Variants in CGNL1 observed in about 807,000 individuals in gnomAD.
CGNL1 encodes the protein cingulin like 1.
Under a neutral mutation model 141.2 loss-of-function variants are expected in CGNL1, and 132 were observed. The observed-to-expected ratio is 0.93, with a 90% CI of 0.81 to 1.08. The LOEUF (loss-of-function observed/expected upper bound fraction) is 1.08, where lower values mean the gene tolerates loss of function less well. Among genes scored for constraint, CGNL1 ranks in the 50% least tolerant of loss-of-function variants. The pLI is 0.00. For synonymous variants in CGNL1, 690 were observed against 622.1 expected (o/e 1.11, Z -1.63); for missense variants, 1,870 against 1,588.6 (o/e 1.18, Z -3.01).
chr15:57,482,295 G>T (rs2063736081), intron 8 of CGNL1, among the ~76,000 whole-genome samples: 1 of 152,178 alleles, frequency 6.6e-6, no homozygotes, highest in South Asian at 2.1e-4. Context: ...TAGTTTTGAT[G>T]AAGTCCAATT....
At chr15:57,522,304 A>T (rs75441947) in intron 10 of CGNL1, among the ~76,000 whole-genome samples, 1 of 152,230 alleles carries the variant, frequency 6.6e-6, no homozygotes, top group Non-Finnish European at 1.5e-5. Context: ...TTTTAGCCCC[A>T]CATCACATGG....
intron 1 of CGNL1, among the ~76,000 whole-genome samples, chr15:57,383,288 C>G (rs1043759702): frequency 1.9e-5 from 2 of 105,032 alleles, no homozygotes; most frequent in African/African-American, 9.7e-5. Flanking sequence ...AGATTTCTTT[C>G]TTCCTTTTTT....
At chr15:57,516,618 G>A (rs55809056) in intron 8 of CGNL1, among the ~76,000 whole-genome samples, 162 bp from the exon 9 acceptor site, 2 of 151,998 alleles carry the variant, frequency 1.3e-5, no homozygotes, top group Non-Finnish European at 1.5e-5. Context: ...CAGGTGAGGG[G>A]CTGGGTTTGG....
rs60973024 is a variant in CGNL1 at position 57,506,991 on chromosome 15, T to G, written c.2404-9789T>G. On this transcript the variant is annotated intron_variant, in intron 8 of 18. Transcript: ENST00000281282. Reference sequence around the variant, plus strand: ...TTTACAGTGTGCAGTTCAGTGGTTTTTTATATATTCACAATTTGGGTAGCC... The same window carrying G: ...TTTACAGTGTGCAGTTCAGTGGTTTGTTATATATTCACAATTTGGGTAGCC... Among the ~76,000 whole-genome samples, 113 of 152,322 alleles carry G rather than the reference T, an allele frequency of 7.4e-4. 1 individual carries two copies. The highest frequency in any genetic ancestry group is 2.4e-3 in the African/African-American group (101 of 41,552).
chr15:57,421,038 G>T (rs1392078442), intron 1 of CGNL1, among the ~76,000 whole-genome samples: 1 of 152,182 alleles, frequency 6.6e-6, no homozygotes, highest in Non-Finnish European at 1.5e-5. Context: ...AGGTAATTAG[G>T]GTTAGATTAG....
intron 8 of CGNL1, among the ~76,000 whole-genome samples, chr15:57,463,274 A>G (rs1321825553): frequency 2.6e-5 from 4 of 152,146 alleles, no homozygotes; most frequent in Non-Finnish European, 1.5e-5. Flanking sequence ...ACTGTCAGAG[A>G]TATGTAAGTG....
chr15:57,395,786 G>A (rs1371081288), intron 1 of CGNL1, among the ~76,000 whole-genome samples: 1 of 152,238 alleles, frequency 6.6e-6, no homozygotes, highest in East Asian at 1.9e-4. Context: ...TGTAGAAACT[G>A]AAGCTTAAGG....
intron 1 of CGNL1, among the ~76,000 whole-genome samples, chr15:57,379,854 A>T (rs556330287): frequency 1.6e-3 from 245 of 152,082 alleles, no homozygotes; most frequent in Non-Finnish European, 2.8e-3. Flanking sequence ...GGGGTGGGGG[A>T]TGGAAATAGC....
At chr15:57,524,463 C>T in intron 11 of CGNL1, 118 bp from the exon 12 acceptor site, 1 of 988,808 alleles carries the variant, frequency 1.0e-6, no homozygotes, top group Non-Finnish European at 1.5e-6. Context: ...GCTGGGCCAT[C>T]TTTGAGGGGG....
At chr15:57,509,994 A>G (rs1204375520) in intron 8 of CGNL1, among the ~76,000 whole-genome samples, 1 of 152,202 alleles carries the variant, frequency 6.6e-6, no homozygotes, top group African/African-American at 2.4e-5. Flanking sequence ...TTGAAATAAG[A>G]TGGGTGTCAT....
intron 4 of CGNL1, among the ~76,000 whole-genome samples, chr15:57,443,440 A>G (rs1361414967): frequency 1.3e-5 from 2 of 152,130 alleles, no homozygotes; most frequent in Non-Finnish European, 2.9e-5. Context: ...GGAGTTCTGC[A>G]TGGGAAGGAA....
At chr15:57,385,187 G>C (rs1429348100) in intron 1 of CGNL1, among the ~76,000 whole-genome samples, 1 of 152,160 alleles carries the variant, frequency 6.6e-6, no homozygotes, top group African/African-American at 2.4e-5. Flanking sequence ...TAAGGTTCAA[G>C]TCCACCATCC....
chr15:57,547,501 G>A lies in CGNL1; in HGVS notation c.*11G>A, dbSNP rs369271315. 82 of 1,610,642 alleles carry A rather than the reference G, an allele frequency of 5.1e-5. 1 individual carries two copies. The African/African-American group carries it at 8.4e-4, about 17-fold the overall frequency. ...GCCAGCCAGATCTGAGTGCTCTCCC[G>A]GGCTGTGGAAGTACCTGTCATTCCT... On this transcript the variant is annotated 3_prime_UTR_variant, in exon 19 of 19. Transcript: ENST00000281282.
chr15:57,453,784 G>C lies in CGNL1; in HGVS notation c.2156G>C (p.Arg719Pro). Reference protein sequence around the residue: ...EMHDELDSAKRSEDREKGALI... With the variant: ...EMHDELDSAKPSEDREKGALI... ...CACGATGAACTGGACAGTGCAAAGC[G>C]ATCGGAGGACAGGGAGAAGGGAGCT... is the stretch of plus-strand genomic sequence containing the variant. Residue 719 changes from arginine to proline, a missense_variant, in exon 7 of 19, where the codon CGA (arginine) becomes CCA (proline). Arg to Pro is a moderately radical substitution (Grantham distance 103). Transcript: ENST00000281282. The C allele has an allele frequency of 1.2e-6, 2 of 1,613,826 alleles. No homozygotes were observed. Among genetic ancestry groups the C allele is most frequent in the Non-Finnish European group, 1.7e-6 (2 of 1,179,904 alleles).
chr15:57,523,267 C>T (rs1430246004), intron 10 of CGNL1, among the ~76,000 whole-genome samples: 1 of 152,212 alleles, frequency 6.6e-6, no homozygotes, highest in African/African-American at 2.4e-5. Context: ...CCCTTCATTC[C>T]TGTGGATGTT....
chr15:57,379,011 G>C (rs2062397190), intron 1 of CGNL1, among the ~76,000 whole-genome samples: 1 of 152,110 alleles, frequency 6.6e-6, no homozygotes, highest in African/African-American at 2.4e-5. Flanking sequence ...CCTTTGGGGA[G>C]CAAGACTATA....
intron 14 of CGNL1, among the ~76,000 whole-genome samples, chr15:57,533,190 C>T (rs1188500646): frequency 6.6e-6 from 1 of 152,198 alleles, no homozygotes; most frequent in Non-Finnish European, 1.5e-5. Context: ...GTTCCCTCCA[C>T]CCTCCTCATG....
At position 57,547,801 on chromosome 15, in the gene CGNL1, C is replaced by T; in HGVS notation, c.*311C>T. 3.3e-6 allele frequency: 1 copy of T among 303,604 alleles called. No individual in the cohort carries two copies. Among genetic ancestry groups the T allele is most frequent in the Non-Finnish European group, 6.1e-6 (1 of 164,678 alleles). The allele number at this position is 303,604 out of a possible 1,614,324, so 18.8% of individuals were successfully genotyped here. On this transcript the variant is annotated 3_prime_UTR_variant, in exon 19 of 19. Coordinates refer to ENST00000281282, the MANE Select transcript of CGNL1 (RefSeq NM_032866.5). ...CCACTATTTGCATTGCTGTCCCTGC[C>T]CCCTCATCACTCCCCCTGCCAAGAC...
chr15:57,526,420 T>C (rs2031619855), intron 12 of CGNL1, among the ~76,000 whole-genome samples: 1 of 151,890 alleles, frequency 6.6e-6, no homozygotes. Context: ...AAACTCAGGC[T>C]CAACTCTGTT....
Sources: gnomAD v4.1 joint callset for allele counts (sites outside exome capture counted in the v4.1 genomes callset) on GRCh38, gnomAD v4.1.1 for gene constraint, MANE v1.5 for transcripts, NCBI Gene and HGNC (gene_info 2026-07-23, HGNC 2026-07-21) for gene names.